ATXN7L1: variants seen among roughly 807,000 people sequenced by gnomAD.
ATXN7L1 encodes ataxin-7-like protein 1.
A neutral mutation model predicts 70.8 loss-of-function variants in ATXN7L1; 15 were observed. The observed-to-expected ratio is 0.21, with a 90% CI of 0.14 to 0.33. The LOEUF (loss-of-function observed/expected upper bound fraction) is 0.33. ATXN7L1 is among the 10% of genes least tolerant of loss of function. The probability of loss-of-function intolerance (pLI) is 1.00; values close to 1 mark genes in which losing one functional copy is unlikely to be tolerated. For missense variants in ATXN7L1, 975 were observed against 1,097.1 expected (o/e 0.89, Z 1.57); for synonymous variants, 440 against 445.1 (o/e 0.99, Z 0.14).
intron 7 of ATXN7L1, among the ~76,000 whole-genome samples, chr7:105,637,337 A>G (rs577152615): frequency 6.6e-6 from 1 of 152,274 alleles, no homozygotes; most frequent in Admixed American, 6.5e-5. Flanking sequence ...TTCTTTTACG[A>G]CTATGTCCTC....
chr7:105,639,573 G>C lies in ATXN7L1; in HGVS notation c.863-4C>G, dbSNP rs1797874309. ...TTATTTGGGTCAAATTCTCTCTCTG[G>C]TTTAAGAAACAAACAAAAAATATAA... On this transcript the variant is annotated splice_region_variant and splice_polypyrimidine_tract_variant and intron_variant, in intron 5 of 11. Transcript: ENST00000419735. 6.5e-7 allele frequency: 1 copy of C among 1,545,522 alleles called. No individual in the cohort carries two copies. Among genetic ancestry groups the C allele is most frequent in the Non-Finnish European group, 8.7e-7 (1 of 1,143,034 alleles).
Position 105,688,401 on chromosome 7 carries a change from G to A in ATXN7L1, c.356-23113C>T, listed in dbSNP as rs570662592. On this transcript the variant is annotated intron_variant, in intron 3 of 11. Coordinates refer to ENST00000419735, the MANE Select transcript of ATXN7L1 (RefSeq NM_020725.2). ...CTACTAAAAATACATAACTTAGCTG[G>A]GCATGGTGGCACATGCCTGTAGCCC... is the stretch of plus-strand genomic sequence containing the variant. 7.6e-4 allele frequency among the ~76,000 whole-genome samples: 116 copies of A among 152,226 alleles called. 1 individual carries two copies. The South Asian group carries it at 0.022, about 29-fold the overall frequency.
At chr7:105,649,098 A>G (rs1442863043) in intron 4 of ATXN7L1, among the ~76,000 whole-genome samples, 4 of 152,214 alleles carry the variant, frequency 2.6e-5, no homozygotes, top group Non-Finnish European at 5.9e-5. Flanking sequence ...ATGCATGTGC[A>G]CACTTCCCAA....
intron 3 of ATXN7L1, among the ~76,000 whole-genome samples, chr7:105,720,582 C>T (rs915998921): frequency 2.0e-5 from 3 of 152,116 alleles, no homozygotes; most frequent in Non-Finnish European, 4.4e-5. Flanking sequence ...CCATGCCTGG[C>T]TAATTTTTAA....
chr7:105,697,145 C>G (rs1204106221), intron 3 of ATXN7L1, among the ~76,000 whole-genome samples: 2 of 152,168 alleles, frequency 1.3e-5, no homozygotes, highest in African/African-American at 4.8e-5. Context: ...GTTTCGGGCA[C>G]TATTGTCATT....
intron 2 of ATXN7L1, among the ~76,000 whole-genome samples, chr7:105,839,036 T>C (rs1374510576): frequency 6.6e-6 from 1 of 152,176 alleles, no homozygotes; most frequent in African/African-American, 2.4e-5. Flanking sequence ...CACTCAACTT[T>C]AGGAAAGCCA....
chr7:105,840,566 C>T (rs1020834817), intron 2 of ATXN7L1, among the ~76,000 whole-genome samples: 9 of 152,228 alleles, frequency 5.9e-5, no homozygotes, highest in Middle Eastern at 3.4e-3. Context: ...TGAGCAACAC[C>T]CCGGCTCCCA....
intron 3 of ATXN7L1, among the ~76,000 whole-genome samples, chr7:105,671,796 G>A (rs536227327): frequency 1.2e-4 from 18 of 150,882 alleles, no homozygotes; most frequent in Admixed American, 7.9e-4. Context: ...AGGCTGAGGT[G>A]GGAGGATTGC....
chr7:105,676,148 C>G lies in ATXN7L1; in HGVS notation c.356-10860G>C, dbSNP rs1804615422. ...AGGACCTGAGTCTGCCGGACTCCAC[C>G]TGGAGCCAGAACCACGATCCTCTTC... On this transcript the variant is annotated intron_variant, in intron 3 of 11. Transcript: ENST00000419735. Among the ~76,000 whole-genome samples, 4 of 152,168 alleles carry G rather than the reference C, an allele frequency of 2.6e-5. No homozygotes were observed. The South Asian group carries it at 8.3e-4, about 32-fold the overall frequency.
intron 2 of ATXN7L1, among the ~76,000 whole-genome samples, chr7:105,854,526 A>G (rs1013490692): frequency 5.3e-4 from 18 of 33,930 alleles, no homozygotes; most frequent in African/African-American, 2.4e-3. Flanking sequence ...AGACCCTTAT[A>G]GAGGAAAAAA....
At chr7:105,761,087 G>A (rs912857563) in intron 3 of ATXN7L1, 3 of 950,796 alleles carry the variant, frequency 3.2e-6, no homozygotes, top group Admixed American at 1.0e-4. Context: ...GTGGAAGCAG[G>A]AACAGCTGGA....
rs189247424 is a variant in ATXN7L1 at position 105,664,456 on chromosome 7, T to C, written c.578+610A>G. Among the ~76,000 whole-genome samples the C allele has an allele frequency of 2.7e-3, 394 of 147,930 alleles. 3 individuals are homozygous for C. Among genetic ancestry groups the C allele is most frequent in the African/African-American group, 9.5e-3 (381 of 40,206 alleles). ...ACTCTGTCTCAAATATATATATATA[T>C]GTATGTGTGTATATGTATAATATAT... On this transcript the variant is annotated intron_variant, in intron 4 of 11. Transcript: ENST00000419735.
At chr7:105,808,690 GAATT>G (rs1313543521) in intron 2 of ATXN7L1, among the ~76,000 whole-genome samples, 1 of 152,218 alleles carries the variant, frequency 6.6e-6, no homozygotes, top group African/African-American at 2.4e-5. Flanking sequence ...GAGGAGATAA[GAATT>G]AATTGGGACA....
At chr7:105,837,065 C>T (rs1481566056) in intron 2 of ATXN7L1, among the ~76,000 whole-genome samples, 1 of 151,986 alleles carries the variant, frequency 6.6e-6, no homozygotes, top group Non-Finnish European at 1.5e-5. Context: ...AGACGAAGCG[C>T]GAGAGAGTGA....
chr7:105,614,502 A>G lies in ATXN7L1; in HGVS notation c.1832T>C (p.Ile611Thr). The change falls in exon 10 of 12, where the codon ATC (isoleucine) becomes ACC (threonine). Residue 611 changes from isoleucine to threonine, a missense_variant. Coordinates refer to ENST00000419735, the MANE Select transcript of ATXN7L1 (RefSeq NM_020725.2). This position sits in a 1 kb window ranked among gnomAD's most constrained non-coding sequence, Gnocchi z 4.3. ...PSAVSPIPAVIPSPSHKPSKT... is the reference protein window; with the variant it reads ...PSAVSPIPAVTPSPSHKPSKT... The stretch of plus-strand genomic sequence containing the variant: ...GGATGGCTTGTGGGATGGGGAAGGG[A>G]TGACGGCTGGTATCGGGGACACGGC... 1 of 1,533,652 alleles carries G rather than the reference A, an allele frequency of 6.5e-7. No homozygotes were observed.
At chr7:105,713,108 T>C (rs113145336) in intron 3 of ATXN7L1, among the ~76,000 whole-genome samples, 1 of 152,036 alleles carries the variant, frequency 6.6e-6, no homozygotes, top group Non-Finnish European at 1.5e-5. Context: ...GAGAGAGTGA[T>C]GGGGGAAGTG....
chr7:105,873,447 G>A (rs1389496590), intron 2 of ATXN7L1, among the ~76,000 whole-genome samples: 1 of 152,186 alleles, frequency 6.6e-6, no homozygotes, highest in African/African-American at 2.4e-5. Flanking sequence ...GAGGGCCCAT[G>A]GCAAGCATTA....
At chr7:105,660,212 A>AC (rs1801368179) in intron 4 of ATXN7L1, among the ~76,000 whole-genome samples, 1 of 151,474 alleles carries the variant, frequency 6.6e-6, no homozygotes, top group Non-Finnish European at 1.5e-5. Context: ...TTCCTGTGTG[A>AC]CCCCCCGAGC....
At chr7:105,615,057 G>C (rs559500664) in intron 9 of ATXN7L1, among the ~76,000 whole-genome samples, 1 of 151,976 alleles carries the variant, frequency 6.6e-6, no homozygotes, top group Non-Finnish European at 1.5e-5. Flanking sequence ...TTTTCTCCAG[G>C]CTTGGCTACT....
Sources: gnomAD v4.1 joint callset for allele counts (sites outside exome capture counted in the v4.1 genomes callset) on GRCh38, gnomAD v4.1.1 for gene constraint, Gnocchi (gnomAD v3.1) non-coding constraint, MANE v1.5 for transcripts, NCBI Gene and HGNC (gene_info 2026-07-23, HGNC 2026-07-21) for gene names.